Variants in OR4K17 observed in about 807,000 individuals in gnomAD.
OR4K17 encodes olfactory receptor 4K17.
For missense variants in OR4K17, 480 were observed against 366.3 expected, an observed-to-expected ratio of 1.31 and a Z score of -2.53; for synonymous variants, 157 against 132.8, an observed-to-expected ratio of 1.18 and a Z score of -1.25.
Position 20,121,884 on chromosome 14 carries a change from TAAA to T in OR4K17, c.*3449_*3451del, listed in dbSNP as rs1878179114. ...AAATAAATAAATAACAGCACAACAATAAAAATAATACAAAATTTTAAAACAAGT... is the reference window on the plus strand; with the variant it reads ...AAATAAATAAATAACAGCACAACAATAATAATACAAAATTTTAAAACAAGT... On this transcript the variant is annotated 3_prime_UTR_variant, in exon 2 of 2. Coordinates refer to ENST00000641386, the MANE Select transcript of OR4K17 (RefSeq NM_001004715.5). 6.6e-6 allele frequency: 1 copy of T among 151,976 alleles called. No homozygotes were observed. Among genetic ancestry groups the T allele is most frequent in the South Asian group, 2.1e-4 (1 of 4,832 alleles). 9.4% of individuals were successfully genotyped at this position (151,976 alleles called of 1,614,324 possible).
rs1347221257 is a variant in OR4K17, at chr14:20,122,145, A to T, written c.*3707A>T. 1 of 152,086 alleles carries T rather than the reference A, an allele frequency of 6.6e-6. No individual in the cohort carries two copies. Among genetic ancestry groups the T allele is most frequent in the East Asian group, 1.9e-4 (1 of 5,192 alleles). The allele number at this position is 152,086 out of a possible 1,614,324, so 9.4% of individuals were successfully genotyped here. A position where few individuals can be genotyped will look rare whatever the true frequency, so the allele number is the denominator to read the frequency against. On this transcript the variant is annotated 3_prime_UTR_variant, in exon 2 of 2. Coordinates refer to ENST00000641386, the MANE Select transcript of OR4K17 (RefSeq NM_001004715.5). The stretch of plus-strand genomic sequence containing the variant: ...ATCTGGAATGTGAATGAATTAAATT[A>T]TCTGAACAAAAGACACAGAGTGGCT...
In OR4K17 at chr14:20,122,108, C is replaced by T. The variant is rs1878184600; in HGVS notation, c.*3670C>T. On this transcript the variant is annotated 3_prime_UTR_variant, in exon 2 of 2. Coordinates refer to ENST00000641386, the MANE Select transcript of OR4K17 (RefSeq NM_001004715.5). ...GTCACTGAGGGATGACTCTACTTAC[C>T]TACCAACAATTATCTGGAATGTGAA... 1 of 151,932 alleles carries T rather than the reference C, an allele frequency of 6.6e-6. No individual in the cohort carries two copies. Among genetic ancestry groups the T allele is most frequent in the African/African-American group, 2.4e-5 (1 of 41,386 alleles). 9.4% of individuals were successfully genotyped at this position (151,932 alleles called of 1,614,324 possible). A position where few individuals can be genotyped will look rare whatever the true frequency, so the allele number is the denominator to read the frequency against.
At position 20,118,523 on chromosome 14, in the gene OR4K17, C is replaced by A; in HGVS notation, c.*85C>A. ...TGGGAGGAATATCAGGGGAACCAGC[C>A]CCCAATATTTCAACATAGGTTCTTT... is the stretch of plus-strand genomic sequence containing the variant. On this transcript the variant is annotated 3_prime_UTR_variant, in exon 2 of 2. Transcript: ENST00000641386. 1 of 736,502 alleles carries A rather than the reference C, an allele frequency of 1.4e-6. No individual in the cohort carries two copies. The highest frequency in any genetic ancestry group is 2.2e-6 in the Non-Finnish European group (1 of 453,002). 45.6% of individuals were successfully genotyped at this position (736,502 alleles called of 1,614,324 possible). A position where few individuals can be genotyped will look rare whatever the true frequency, so the allele number is the denominator to read the frequency against.
At position 20,117,425 on chromosome 14, in the gene OR4K17, C is replaced by G. The variant is rs61743111; in HGVS notation, c.-32-43C>G. The G allele has an allele frequency of 8.9e-3, 14,296 of 1,597,324 alleles. 94 individuals are homozygous for G. The highest frequency in any genetic ancestry group is 0.019 in the Middle Eastern group (110 of 5,932). The stretch of plus-strand genomic sequence containing the variant: ...TTTTCATATGGCTCTTTATTTTTCA[C>G]TCATACTCCATGGTATGAGTGATCT... On this transcript the variant is annotated intron_variant, in intron 1 of 1. Coordinates refer to ENST00000641386, the MANE Select transcript of OR4K17 (RefSeq NM_001004715.5).
intron 1 of OR4K17, among the ~76,000 whole-genome samples, chr14:20,113,437 T>C (rs946826152): frequency 1.1e-4 from 16 of 152,028 alleles, no homozygotes; most frequent in African/African-American, 2.9e-4. Flanking sequence ...CATGATTTTA[T>C]CTGTGTGAAT....
Position 20,119,962 on chromosome 14 carries a change from G to A in OR4K17, c.*1524G>A, listed in dbSNP as rs1385385683. ...AGTAAAATGCAGTAAGATTACAGTAGTCAGTCAAGATTATTTTTAATGCAG... is the reference window on the plus strand; with the variant it reads ...AGTAAAATGCAGTAAGATTACAGTAATCAGTCAAGATTATTTTTAATGCAG... On this transcript the variant is annotated 3_prime_UTR_variant, in exon 2 of 2. Coordinates refer to ENST00000641386, the MANE Select transcript of OR4K17 (RefSeq NM_001004715.5). 2 of 152,174 alleles carry A rather than the reference G, an allele frequency of 1.3e-5. No homozygotes were observed. The highest frequency in any genetic ancestry group is 2.1e-4 in the South Asian group (1 of 4,834). The allele number at this position is 152,174 out of a possible 1,614,324, so 9.4% of individuals were successfully genotyped here. A position where few individuals can be genotyped will look rare whatever the true frequency, so the allele number is the denominator to read the frequency against.
chr14:20,119,279 A>G lies in OR4K17; in HGVS notation c.*841A>G, dbSNP rs573148554. 10 of 152,304 alleles carry G rather than the reference A, an allele frequency of 6.6e-5. No homozygotes were observed. The highest frequency in any genetic ancestry group is 2.4e-4 in the African/African-American group (10 of 41,564). The allele number at this position is 152,304 out of a possible 1,614,324, so 9.4% of individuals were successfully genotyped here. On this transcript the variant is annotated 3_prime_UTR_variant, in exon 2 of 2. Transcript: ENST00000641386. ...TTGTTTAAACACACATGCTTTATGA[A>G]CAATTTGTGCCATTAACATAATCAT...
chr14:20,111,262 G>GTA (rs1417224886), intron 1 of OR4K17, among the ~76,000 whole-genome samples: 1 of 151,752 alleles, frequency 6.6e-6, no homozygotes, highest in Non-Finnish European at 1.5e-5. Context: ...GAAGACAGAA[G>GTA]TATATATAAA....
chr14:20,113,461 T>C (rs902589666), intron 1 of OR4K17, among the ~76,000 whole-genome samples: 1 of 152,028 alleles, frequency 6.6e-6, no homozygotes, highest in African/African-American at 2.4e-5. Context: ...AGCCAGTTAG[T>C]AGTAAGAATA....
At position 20,117,786 on chromosome 14, in the gene OR4K17, G is replaced by T; in HGVS notation, c.287G>T (p.Gly96Val). The T allele has an allele frequency of 1.9e-6, 3 of 1,613,940 alleles. No individual in the cohort carries two copies. The highest frequency in any genetic ancestry group is 2.5e-6 in the Non-Finnish European group (3 of 1,179,982). ...AAGCAGAAGGTAATTTCTTTTGCTG[G>T]GTGCTTCACTCAGATATTTCTCCTT... ...LKKQKVISFA[G>V]CFTQIFLLHL... Residue 96 changes from glycine (G) to valine (V), a missense_variant, in exon 2 of 2, where the codon GGG becomes GTG. Transcript: ENST00000641386.
chr14:20,111,713 G>C (rs1297934616), intron 1 of OR4K17, among the ~76,000 whole-genome samples: 2 of 151,984 alleles, frequency 1.3e-5, no homozygotes, highest in African/African-American at 4.8e-5. Flanking sequence ...AAAAGGCTGA[G>C]ATGAATAAAG....
rs550924107 is a variant in OR4K17 at position 20,120,083 on chromosome 14, G to A, written c.*1645G>A. 6.6e-6 allele frequency: 1 copy of A among 152,252 alleles called. No individual in the cohort carries two copies. The highest frequency in any genetic ancestry group is 1.9e-4 in the East Asian group (1 of 5,182). 9.4% of individuals were successfully genotyped at this position (152,252 alleles called of 1,614,324 possible). ...TCCTTCAGAGGAGCTTGATAGATAT[G>A]TACTTTGTTTAGTTGTTACAATGGC... On this transcript the variant is annotated 3_prime_UTR_variant, in exon 2 of 2. Coordinates refer to ENST00000641386, the MANE Select transcript of OR4K17 (RefSeq NM_001004715.5).
rs201561302 is a variant in OR4K17, at chr14:20,117,891, A to G, written c.392A>G (p.His131Arg). 34 of 1,614,058 alleles carry G rather than the reference A, an allele frequency of 2.1e-5. No individual in the cohort carries two copies. Among genetic ancestry groups the G allele is most frequent in the East Asian group, 8.9e-5 (4 of 44,880 alleles). The part of the protein sequence containing the change: ...DRYVAICKPL[H>R]YMTIMNKKVC... The stretch of plus-strand genomic sequence containing the variant: ...TATGTGGCCATTTGTAAGCCCCTAC[A>G]CTACATGACCATCATGAACAAGAAG... Residue 131 changes from histidine to arginine, a missense_variant, in exon 2 of 2, where the codon CAC becomes CGC. Coordinates refer to ENST00000641386, the MANE Select transcript of OR4K17 (RefSeq NM_001004715.5).
chr14:20,120,275 C>G lies in OR4K17; in HGVS notation c.*1837C>G, dbSNP rs937709510. 6.6e-6 allele frequency: 1 copy of G among 152,146 alleles called. No individual in the cohort carries two copies. The highest frequency in any genetic ancestry group is 2.4e-5 in the African/African-American group (1 of 41,432). 9.4% of individuals were successfully genotyped at this position (152,146 alleles called of 1,614,324 possible). A position where few individuals can be genotyped will look rare whatever the true frequency, so the allele number is the denominator to read the frequency against. On this transcript the variant is annotated 3_prime_UTR_variant, in exon 2 of 2. Transcript: ENST00000641386. ...CTCATATGCAGTGTCTCCTAAGAAA[C>G]CAGTAATTCAGACTTTCCATATCTA...
intron 1 of OR4K17, among the ~76,000 whole-genome samples, chr14:20,114,449 G>A (rs11158821): frequency 0.25 from 37,931 of 151,702 alleles, 4,936 homozygotes; most frequent in Non-Finnish European, 0.28. Context: ...CCCATTGTTT[G>A]GCATATCCAA....
chr14:20,115,920 A>G (rs2139054788), intron 1 of OR4K17, among the ~76,000 whole-genome samples: 1 of 152,286 alleles, frequency 6.6e-6, no homozygotes, highest in African/African-American at 2.4e-5. Context: ...GCTATACCTG[A>G]TATTTGTATT....
chr14:20,113,611 T>C (rs565189523), intron 1 of OR4K17, among the ~76,000 whole-genome samples: 3 of 152,182 alleles, frequency 2.0e-5, no homozygotes, highest in African/African-American at 7.2e-5. Context: ...ACATACATAC[T>C]TATAAGAGTT....
At chr14:20,115,938 A>T (rs549920184) in intron 1 of OR4K17, among the ~76,000 whole-genome samples, 4 of 152,292 alleles carry the variant, frequency 2.6e-5, no homozygotes, top group African/African-American at 7.2e-5. Context: ...ATTTGAGTTG[A>T]TTCAAAGTTA....
intron 1 of OR4K17, among the ~76,000 whole-genome samples, chr14:20,115,194 T>C (rs1877959917): frequency 6.6e-6 from 1 of 152,124 alleles, no homozygotes; most frequent in Non-Finnish European, 1.5e-5. Context: ...CTGAACACTC[T>C]CTTACTCCAA....
Sources: gnomAD v4.1 joint callset for allele counts (sites outside exome capture counted in the v4.1 genomes callset) on GRCh38, gnomAD v4.1.1 for gene constraint, MANE v1.5 for transcripts, NCBI Gene and HGNC (gene_info 2026-07-23, HGNC 2026-07-21) for gene names.